The following CLASP1 variants were observed in gnomAD, a reference collection of about 807,000 sequenced individuals.
The protein encoded by CLASP1 is CLIP-associating protein 1.
CLASP1 carries 38 observed loss-of-function variants against 192.3 expected under a neutral mutation model. The observed-to-expected ratio is 0.20, with a 90% CI of 0.15 to 0.26. The LOEUF (loss-of-function observed/expected upper bound fraction) is 0.26. Among genes scored for constraint, CLASP1 ranks in the 10% least tolerant of loss-of-function variants. CLASP1 has a pLI of 1.00. For missense variants in CLASP1, 1,433 were observed against 1,932.5 expected (o/e 0.74, Z 4.85); for synonymous variants, 691 against 712.8 (o/e 0.97, Z 0.49).
intron 37 of CLASP1, among the ~76,000 whole-genome samples, chr2:121,349,764 A>G (rs1405847868): frequency 6.6e-6 from 1 of 152,232 alleles, no homozygotes; most frequent in Non-Finnish European, 1.5e-5. Context: ...TCAAAGGAGC[A>G]GCCTCTGACC....
intron 8 of CLASP1, among the ~76,000 whole-genome samples, chr2:121,474,661 A>T (rs1410896654): frequency 1.3e-5 from 2 of 152,128 alleles, no homozygotes; most frequent in African/African-American, 4.8e-5. Flanking sequence ...GCGTGAACCC[A>T]AGAGGCAGAG....
intron 11 of CLASP1, 34 bp downstream of exon 11, chr2:121,461,067 A>G (rs1400996205): frequency 1.2e-5 from 15 of 1,249,886 alleles, no homozygotes; most frequent in East Asian, 4.7e-5. Context: ...AATACATCTT[A>G]TGAAAATGTA....
chr2:121,339,514 G>A (rs958467540), exon 40 of CLASP1: 4 of 152,128 alleles, frequency 2.6e-5, no homozygotes, highest in Non-Finnish European at 5.9e-5. Flanking sequence ...TTTCCATTTG[G>A]CTTAAGAATT....
chr2:121,466,402 G>A (rs2089591273), intron 9 of CLASP1, among the ~76,000 whole-genome samples: 1 of 152,066 alleles, frequency 6.6e-6, no homozygotes, highest in Non-Finnish European at 1.5e-5. Flanking sequence ...AATATTCTAG[G>A]GCCGGTTCAG....
At chr2:121,506,541 A>G (rs1354879625) in intron 7 of CLASP1, among the ~76,000 whole-genome samples, 2 of 152,132 alleles carry the variant, frequency 1.3e-5, no homozygotes, top group Non-Finnish European at 2.9e-5. Flanking sequence ...TGTCCACAGC[A>G]AACTTTGAAA....
chr2:121,567,167 C>T (rs1164488501), intron 2 of CLASP1, among the ~76,000 whole-genome samples: 1 of 152,218 alleles, frequency 6.6e-6, no homozygotes, highest in African/African-American at 2.4e-5. Flanking sequence ...GTATGCAGAA[C>T]TGTTCCATAA....
intron 14 of CLASP1, among the ~76,000 whole-genome samples, chr2:121,453,137 A>G (rs779031234): frequency 6.6e-6 from 1 of 152,114 alleles, no homozygotes; most frequent in Non-Finnish European, 1.5e-5. Context: ...AAATTTTTTT[A>G]AAAAAATTAG....
At chr2:121,625,662 G>C (rs1457167486) in intron 1 of CLASP1, among the ~76,000 whole-genome samples, 2 of 151,742 alleles carry the variant, frequency 1.3e-5, no homozygotes, top group African/African-American at 4.8e-5. Context: ...TTGAACTCCT[G>C]ACCTCAGGTG....
At chr2:121,394,805 G>A (rs184725158) in intron 30 of CLASP1, among the ~76,000 whole-genome samples, 34 of 152,278 alleles carry the variant, frequency 2.2e-4, no homozygotes, top group Admixed American at 9.2e-4. Flanking sequence ...GCGTGAACCC[G>A]GGAGGCGGAG....
chr2:121,382,134 C>G, intron 33 of CLASP1, 74 bp downstream of exon 34: 1 of 1,246,286 alleles, frequency 8.0e-7, no homozygotes, highest in South Asian at 1.3e-5. Context: ...GAGGCTTTCC[C>G]AAAGACCTGA....
chr2:121,627,830 C>T (rs1488091237), intron 1 of CLASP1, among the ~76,000 whole-genome samples: 1 of 152,140 alleles, frequency 6.6e-6, no homozygotes, highest in Non-Finnish European at 1.5e-5. Flanking sequence ...TACTTCAAAC[C>T]CTTTCAATGC....
At chr2:121,495,942 G>A (rs1403760702) in intron 8 of CLASP1, among the ~76,000 whole-genome samples, 1 of 152,130 alleles carries the variant, frequency 6.6e-6, no homozygotes, top group Non-Finnish European at 1.5e-5. Context: ...TTTTACAGAT[G>A]AGCAAATGTG....
At chr2:121,418,874 G>C (rs1453633297) in intron 22 of CLASP1, 145 bp from the exon 23 acceptor site, 1 of 627,970 alleles carries the variant, frequency 1.6e-6, no homozygotes, top group Non-Finnish European at 2.9e-6. Context: ...ACCTATCCAT[G>C]CTGAGGTCTC....
exon 40 of CLASP1, chr2:121,340,586 C>G (rs2062679762): frequency 8.7e-6 from 3 of 345,504 alleles, no homozygotes; most frequent in African/African-American, 2.1e-5. Flanking sequence ...AGGGTTTCGC[C>G]ATCTCAGCAG....
At chr2:121,465,138 C>A (rs1276365565) in intron 9 of CLASP1, among the ~76,000 whole-genome samples, 1 of 152,198 alleles carries the variant, frequency 6.6e-6, no homozygotes, top group African/African-American at 2.4e-5. Context: ...CTCACCACTC[C>A]TATTCAACAC....
intron 6 of CLASP1, among the ~76,000 whole-genome samples, chr2:121,523,738 C>T (rs2094508493): frequency 6.6e-6 from 1 of 152,184 alleles, no homozygotes; most frequent in Admixed American, 6.5e-5. Context: ...TCACTTTCCT[C>T]TGGAGGATGT....
chr2:121,345,571 T>C (rs1304280156), intron 39 of CLASP1, among the ~76,000 whole-genome samples: 1 of 152,108 alleles, frequency 6.6e-6, no homozygotes, highest in Non-Finnish European at 1.5e-5. Flanking sequence ...CTGATGGAGG[T>C]AGGAGAGCTG....
At chr2:121,530,870 T>A (rs753399436) in intron 2 of CLASP1, 1 of 679,064 alleles carries the variant, frequency 1.5e-6, no homozygotes. Flanking sequence ...GCCCAGGGAC[T>A]TTCTATTATA....
chr2:121,500,326 G>A (rs913131621), intron 8 of CLASP1, among the ~76,000 whole-genome samples: 1 of 136,082 alleles, frequency 7.3e-6, no homozygotes, highest in Non-Finnish European at 1.6e-5. Flanking sequence ...GAGAGGAAGA[G>A]AAAGAAGGAA....
Sources: gnomAD v4.1 joint callset for allele counts (sites outside exome capture counted in the v4.1 genomes callset) on GRCh38, gnomAD v4.1.1 for gene constraint, MANE v1.5 for transcripts, NCBI Gene and HGNC (gene_info 2026-07-23, HGNC 2026-07-21) for gene names.